The following COL25A1 variants were observed in gnomAD, a reference collection of about 807,000 sequenced individuals.
The protein encoded by COL25A1 is collagen alpha-1(XXV) chain.
Under a neutral mutation model 128.4 loss-of-function variants are expected in COL25A1, and 103 were observed. The ratio of observed to expected loss-of-function variants is 0.80; its 90% CI spans 0.68 to 0.94. The LOEUF (loss-of-function observed/expected upper bound fraction) is 0.94, where lower values mean the gene tolerates loss of function less well. Ranked by LOEUF, COL25A1 falls within the 40% of genes least tolerant of loss-of-function variation. COL25A1 has a pLI of 0.00. For missense variants in COL25A1, 745 were observed against 840.0 expected (o/e 0.89, Z 1.40); for synonymous variants, 279 against 277.2 (o/e 1.01, Z -0.06).
chr4:109,014,991 C>G (rs1031295587), intron 5 of COL25A1, among the ~76,000 whole-genome samples: 7 of 152,184 alleles, frequency 4.6e-5, no homozygotes, highest in African/African-American at 1.7e-4. Context: ...AGTCCGGCAG[C>G]GCCGAGTCTT....
intron 3 of COL25A1, among the ~76,000 whole-genome samples, chr4:109,157,225 A>G (rs1031515859): frequency 6.6e-6 from 1 of 152,218 alleles, no homozygotes; most frequent in Non-Finnish European, 1.5e-5. Flanking sequence ...AGTTCACAAA[A>G]TGAATTTTGA....
At chr4:108,831,709 AGAG>A (rs1578478759) in intron 32 of COL25A1, among the ~76,000 whole-genome samples, 2 of 151,814 alleles carry the variant, frequency 1.3e-5, no homozygotes, top group East Asian at 3.9e-4. Context: ...AGAGAGAGAG[AGAG>A]AGAGCGCATG....
At chr4:108,896,786 GCTTT>G in intron 15 of COL25A1, 75 bp from the exon 16 acceptor site, 1 of 1,338,790 alleles carries the variant, frequency 7.5e-7, no homozygotes, top group Non-Finnish European at 1.1e-6. Context: ...ATTATTTTAA[GCTTT>G]CTTTCATGAA....
At chr4:109,095,986 A>G (rs906190840) in intron 3 of COL25A1, among the ~76,000 whole-genome samples, 1 of 152,188 alleles carries the variant, frequency 6.6e-6, no homozygotes, top group Non-Finnish European at 1.5e-5. Flanking sequence ...AGATGAATTC[A>G]CTAACTGAGT....
intron 3 of COL25A1, among the ~76,000 whole-genome samples, chr4:109,259,229 G>T (rs17040219): frequency 1.1e-4 from 16 of 151,916 alleles, no homozygotes; most frequent in Admixed American, 3.3e-4. Context: ...TAGAGCGGTT[G>T]AAAAAAGTAA....
At chr4:109,260,970 A>G (rs2126255096) in intron 3 of COL25A1, among the ~76,000 whole-genome samples, 1 of 152,364 alleles carries the variant, frequency 6.6e-6, no homozygotes, top group Admixed American at 6.5e-5. Context: ...AGATTACAAG[A>G]ATGATATAAA....
intron 31 of COL25A1, chr4:108,838,048 G>T: frequency 7.7e-7 from 1 of 1,299,594 alleles, no homozygotes; most frequent in Non-Finnish European, 1.1e-6. Context: ...ATGTAGGGTA[G>T]AAAGAAAAAT....
intron 11 of COL25A1, among the ~76,000 whole-genome samples, chr4:108,934,874 G>C (rs2125919449): frequency 6.6e-6 from 1 of 152,230 alleles, no homozygotes; most frequent in East Asian, 1.9e-4. Flanking sequence ...ATTTACTTTA[G>C]AGAGAACAAT....
intron 3 of COL25A1, among the ~76,000 whole-genome samples, chr4:109,103,855 A>G (rs749648138): frequency 1.3e-5 from 2 of 152,200 alleles, no homozygotes; most frequent in Non-Finnish European, 2.9e-5. Flanking sequence ...TGAATTTTTA[A>G]TGATTCAAAA....
intron 3 of COL25A1, among the ~76,000 whole-genome samples, chr4:109,235,201 T>C (rs572067503): frequency 6.6e-6 from 1 of 152,154 alleles, no homozygotes; most frequent in South Asian, 2.1e-4. Context: ...ATCCCCAGAG[T>C]GTTTGTTAAA....
At chr4:109,133,389 A>G (rs1476286341) in intron 3 of COL25A1, among the ~76,000 whole-genome samples, 1 of 152,094 alleles carries the variant, frequency 6.6e-6, no homozygotes, top group Admixed American at 6.6e-5. Flanking sequence ...TATGACCTAT[A>G]GGGTCATTGT....
chr4:109,204,785 C>T (rs1578432343), intron 3 of COL25A1, among the ~76,000 whole-genome samples: 1 of 151,956 alleles, frequency 6.6e-6, no homozygotes, highest in African/African-American at 2.4e-5. Flanking sequence ...CTACCAAAGA[C>T]AAAAAAATGG....
intron 34 of COL25A1, among the ~76,000 whole-genome samples, chr4:108,824,499 T>C (rs1441028402): frequency 6.6e-6 from 1 of 152,224 alleles, no homozygotes; most frequent in Admixed American, 6.5e-5. Context: ...GCAAGTTCAC[T>C]GATTTGTGCA....
chr4:108,990,325 T>A (rs1754109548), intron 6 of COL25A1, among the ~76,000 whole-genome samples: 1 of 137,894 alleles, frequency 7.3e-6, no homozygotes, highest in South Asian at 2.3e-4. Flanking sequence ...ACAGAAATAA[T>A]ATACATCACA....
chr4:109,011,822 C>T (rs767106048), intron 5 of COL25A1, among the ~76,000 whole-genome samples: 2 of 152,224 alleles, frequency 1.3e-5, no homozygotes, highest in Admixed American at 1.3e-4. Context: ...GCTTAACACT[C>T]TCAACTTGCC....
chr4:109,181,625 T>C (rs1774636101), intron 3 of COL25A1, among the ~76,000 whole-genome samples: 1 of 152,142 alleles, frequency 6.6e-6, no homozygotes, highest in African/African-American at 2.4e-5. Context: ...AAATGATGTT[T>C]TGAAATGTGA....
At chr4:109,075,859 AT>A (rs1398777723) in intron 3 of COL25A1, among the ~76,000 whole-genome samples, 1 of 152,182 alleles carries the variant, frequency 6.6e-6, no homozygotes, top group African/African-American at 2.4e-5. Flanking sequence ...CATATTTCAA[AT>A]GTTTAAGCAT....
intron 3 of COL25A1, among the ~76,000 whole-genome samples, chr4:109,072,615 GT>G (rs1194978594): frequency 1.3e-5 from 2 of 152,118 alleles, no homozygotes; most frequent in Non-Finnish European, 2.9e-5. Context: ...CACCACTTCT[GT>G]CCTTTCTAAG....
chr4:108,974,084 G>A (rs770253397), intron 8 of COL25A1, among the ~76,000 whole-genome samples: 4 of 152,176 alleles, frequency 2.6e-5, no homozygotes, highest in African/African-American at 7.2e-5. Context: ...CAATAGTCAC[G>A]GGAAAGGTGG....
Sources: allele counts gnomAD v4.1 joint callset (sites outside exome capture counted in the v4.1 genomes callset), GRCh38; gene constraint gnomAD v4.1.1; transcripts MANE v1.5; gene names NCBI Gene and HGNC (gene_info 2026-07-23, HGNC 2026-07-21).